ROBO1: variants seen among roughly 807,000 people sequenced by gnomAD.
ROBO1 encodes roundabout homolog 1.
Under a neutral mutation model 195.9 loss-of-function variants are expected in ROBO1, and 149 were observed. The ratio of observed to expected loss-of-function variants is 0.76; its 90% CI spans 0.67 to 0.87. ROBO1 has a LOEUF of 0.87. Ranked by LOEUF, ROBO1 falls within the 40% of genes least tolerant of loss-of-function variation. ROBO1 has a pLI of 0.00. For missense variants in ROBO1, 1,933 were observed against 2,068.3 expected, an observed-to-expected ratio of 0.93 and a Z score of 1.27; for synonymous variants, 816 against 733.2, an observed-to-expected ratio of 1.11 and a Z score of -1.82.
At position 78,654,578 on chromosome 3, in the gene ROBO1, C is replaced by T. The variant is rs571687780; in HGVS notation, c.2614+2520G>A. On this transcript the variant is annotated intron_variant, in intron 18 of 30. Coordinates refer to ENST00000464233, the MANE Select transcript of ROBO1 (RefSeq NM_002941.4). The stretch of plus-strand genomic sequence containing the variant: ...TGGGTAGCCTCAGATAATATGGAAA[C>T]AGCCAAGAGAGGTCCTATGCAAGCA... 6.6e-4 allele frequency among the ~76,000 whole-genome samples: 101 copies of T among 152,254 alleles called. 1 individual carries two copies. The highest frequency in any genetic ancestry group is 1.2e-3 in the South Asian group (6 of 4,828).
At chr3:79,764,136 T>G (rs769454828) in intron 1 of ROBO1, among the ~76,000 whole-genome samples, 3 of 152,194 alleles carry the variant, frequency 2.0e-5, no homozygotes, top group African/African-American at 4.8e-5. Context: ...GAAAGGGTTA[T>G]GTGGGGATTA....
chr3:79,433,930 A>C (rs1269439701), intron 2 of ROBO1, among the ~76,000 whole-genome samples: 1 of 151,692 alleles, frequency 6.6e-6, no homozygotes, highest in Non-Finnish European at 1.5e-5. Flanking sequence ...TTTGAAAAAC[A>C]ACCATCTGAT....
At chr3:79,389,268 A>AAT in intron 2 of ROBO1, among the ~76,000 whole-genome samples, 1 of 152,202 alleles carries the variant, frequency 6.6e-6, no homozygotes, top group African/African-American at 2.4e-5. Flanking sequence ...AAAATTATGT[A>AAT]ATATGAGCAA....
intron 3 of ROBO1, among the ~76,000 whole-genome samples, chr3:78,976,877 T>C (rs889635890): frequency 3.3e-5 from 5 of 152,166 alleles, no homozygotes; most frequent in African/African-American, 1.2e-4. Context: ...AAGACCACTA[T>C]ATATGGTTGC....
intron 2 of ROBO1, among the ~76,000 whole-genome samples, chr3:79,145,999 T>G (rs1221343593): frequency 6.7e-6 from 1 of 149,898 alleles, no homozygotes; most frequent in Admixed American, 6.7e-5. Flanking sequence ...CCTTTGAGAA[T>G]AGTTCAAGTG....
At chr3:78,992,569 T>C (rs1352374342) in intron 3 of ROBO1, among the ~76,000 whole-genome samples, 2 of 152,182 alleles carry the variant, frequency 1.3e-5, no homozygotes, top group Non-Finnish European at 2.9e-5. Context: ...ATTACTTGTA[T>C]GACATAATAC....
At chr3:79,620,600 C>T (rs1337979525) in intron 1 of ROBO1, among the ~76,000 whole-genome samples, 2 of 152,058 alleles carry the variant, frequency 1.3e-5, no homozygotes, top group African/African-American at 4.8e-5. Context: ...TTATCTGCTT[C>T]CCAGACTATT....
chr3:79,487,406 G>A (rs866464063), intron 2 of ROBO1, among the ~76,000 whole-genome samples: 5 of 151,976 alleles, frequency 3.3e-5, no homozygotes, highest in African/African-American at 1.2e-4. Flanking sequence ...TAGTAGAGAC[G>A]GTGTTTCACC....
At chr3:79,558,253 G>A (rs749019022) in intron 2 of ROBO1, among the ~76,000 whole-genome samples, 2 of 151,932 alleles carry the variant, frequency 1.3e-5, no homozygotes, top group Non-Finnish European at 2.9e-5. Context: ...CCCTGAGACA[G>A]CAAGACCAAC....
chr3:78,844,172 A>G (rs1283253654), intron 4 of ROBO1, among the ~76,000 whole-genome samples: 1 of 152,154 alleles, frequency 6.6e-6, no homozygotes, highest in Non-Finnish European at 1.5e-5. Context: ...GTACCCTACT[A>G]AGCTACTATG....
At chr3:79,042,329 T>G (rs1376224462) in intron 3 of ROBO1, among the ~76,000 whole-genome samples, 1 of 152,168 alleles carries the variant, frequency 6.6e-6, no homozygotes. Context: ...ATTTATAACA[T>G]TCTAACATGT....
intron 1 of ROBO1, among the ~76,000 whole-genome samples, chr3:79,767,371 C>A (rs1426349516): frequency 6.6e-6 from 1 of 152,116 alleles, no homozygotes; most frequent in Non-Finnish European, 1.5e-5. Flanking sequence ...AAGCCAAAAG[C>A]GGCACGAAAC....
At chr3:79,372,561 GCTCT>G (rs547154121) in intron 2 of ROBO1, among the ~76,000 whole-genome samples, 4 of 151,014 alleles carry the variant, frequency 2.6e-5, no homozygotes, top group Non-Finnish European at 4.4e-5. Context: ...ATGCTCACGT[GCTCT>G]CTCTCTCTCT....
chr3:78,661,973 C>T lies in ROBO1; in HGVS notation c.2088+20G>A. The stretch of plus-strand genomic sequence containing the variant: ...CGCAGACGCTTATTAAAACTGAGAT[C>T]AAATATTGTAACAACTCACTGTCCA... On this transcript the variant is annotated intron_variant, in intron 15 of 30. Coordinates refer to ENST00000464233, the MANE Select transcript of ROBO1 (RefSeq NM_002941.4). The T allele has an allele frequency of 6.2e-7, 1 of 1,602,314 alleles. No individual in the cohort carries two copies. Among genetic ancestry groups the T allele is most frequent in the South Asian group, 1.1e-5 (1 of 88,258 alleles).
intron 1 of ROBO1, among the ~76,000 whole-genome samples, chr3:79,616,944 G>T (rs1944842639): frequency 6.6e-6 from 1 of 152,200 alleles, no homozygotes; most frequent in Non-Finnish European, 1.5e-5. Context: ...GCTAAGGGAA[G>T]AGGATCCACC....
chr3:78,849,642 T>C (rs772370246), intron 4 of ROBO1, among the ~76,000 whole-genome samples: 1 of 152,014 alleles, frequency 6.6e-6, no homozygotes. Flanking sequence ...TCACATCATA[T>C]CATTTTCCTT....
chr3:78,627,644 C>T, intron 25 of ROBO1, 75 bp from the exon 26 acceptor site: 1 of 1,432,156 alleles, frequency 7.0e-7, no homozygotes, highest in Non-Finnish European at 9.4e-7. Flanking sequence ...AATGAAATGT[C>T]ACCTTTAAAT....
At chr3:78,750,490 TAAA>T (rs1559814894) in intron 4 of ROBO1, among the ~76,000 whole-genome samples, 11 of 148,024 alleles carry the variant, frequency 7.4e-5, no homozygotes, top group African/African-American at 2.8e-4. Context: ...AATAAATAAA[TAAA>T]TAAATAAAAT....
intron 2 of ROBO1, among the ~76,000 whole-genome samples, chr3:79,323,332 A>G (rs888179613): frequency 6.6e-6 from 1 of 152,092 alleles, no homozygotes; most frequent in Non-Finnish European, 1.5e-5. Flanking sequence ...CACCCACCTC[A>G]GCCTCCCACA....
Sources: gnomAD v4.1 joint callset for allele counts (sites outside exome capture counted in the v4.1 genomes callset) on GRCh38, gnomAD v4.1.1 for gene constraint, MANE v1.5 for transcripts, NCBI Gene and HGNC (gene_info 2026-07-23, HGNC 2026-07-21) for gene names.